Variants in XPR1 observed in about 807,000 individuals in gnomAD.
XPR1 encodes xenotropic and polytropic retrovirus receptor 1.
A neutral mutation model predicts 87.5 loss-of-function variants in XPR1; 28 were observed. The observed-to-expected ratio is 0.32, with a 90% CI of 0.24 to 0.44. The LOEUF (loss-of-function observed/expected upper bound fraction) is 0.44, where lower values mean the gene tolerates loss of function less well. XPR1 is among the 20% of genes least tolerant of loss of function. The pLI, the probability that XPR1 is intolerant of heterozygous loss-of-function variation, is 1.00. For missense variants in XPR1, 559 were observed against 862.3 expected (o/e 0.65, Z 4.41); for synonymous variants, 300 against 306.1 (o/e 0.98, Z 0.21).
At chr1:180,755,804 G>A (rs1647716100) in intron 2 of XPR1, among the ~76,000 whole-genome samples, 1 of 152,040 alleles carries the variant, frequency 6.6e-6, no homozygotes, top group Non-Finnish European at 1.5e-5. Context: ...AAGCCCTGTG[G>A]TTTTATTGAA....
intron 11 of XPR1, among the ~76,000 whole-genome samples, chr1:180,850,502 C>T (rs1219182179): frequency 6.6e-5 from 10 of 152,082 alleles, no homozygotes; most frequent in Non-Finnish European, 1.2e-4. Context: ...TGTATTATAG[C>T]TGCTTAAAGA....
chr1:180,682,663 G>T (rs1656617670), intron 2 of XPR1, among the ~76,000 whole-genome samples: 2 of 151,766 alleles, frequency 1.3e-5, no homozygotes, highest in Admixed American at 1.3e-4. Context: ...CGTATATATT[G>T]GTTTAGTCAG....
At chr1:180,721,530 C>T (rs1658179863) in intron 2 of XPR1, among the ~76,000 whole-genome samples, 1 of 152,164 alleles carries the variant, frequency 6.6e-6, no homozygotes, top group African/African-American at 2.4e-5. Context: ...CATTTTACTC[C>T]TGGCTATGTG....
intron 2 of XPR1, among the ~76,000 whole-genome samples, chr1:180,771,250 A>G (rs1264730339): frequency 6.6e-6 from 1 of 152,130 alleles, no homozygotes; most frequent in African/African-American, 2.4e-5. Context: ...TGGTATTACA[A>G]TTAAGTCATT....
intron 11 of XPR1, among the ~76,000 whole-genome samples, chr1:180,859,733 G>GT (rs1652157492): frequency 6.6e-6 from 1 of 152,106 alleles, no homozygotes; most frequent in Non-Finnish European, 1.5e-5. Context: ...TTAAAAGGCA[G>GT]TAAGTCCTCA....
intron 2 of XPR1, among the ~76,000 whole-genome samples, chr1:180,764,521 T>A (rs764225856): frequency 5.1e-4 from 77 of 152,082 alleles, no homozygotes; most frequent in Admixed American, 1.4e-3. Flanking sequence ...CCAGGCTGGA[T>A]TGCAGTAGTG....
intron 2 of XPR1, among the ~76,000 whole-genome samples, chr1:180,712,505 A>G (rs1285722813): frequency 1.3e-5 from 2 of 152,198 alleles, no homozygotes; most frequent in South Asian, 2.1e-4. Context: ...TAAGGGGGCT[A>G]TTTTATTTGT....
At chr1:180,822,418 C>T (rs144143669) in intron 7 of XPR1, among the ~76,000 whole-genome samples, 58 of 152,272 alleles carry the variant, frequency 3.8e-4, no homozygotes, top group African/African-American at 1.3e-3. Context: ...CTTCCCTGAC[C>T]GCCCTACCTA....
At chr1:180,800,195 C>T (rs1326095090) in intron 3 of XPR1, among the ~76,000 whole-genome samples, 1 of 152,188 alleles carries the variant, frequency 6.6e-6, no homozygotes, top group African/African-American at 2.4e-5. Context: ...TGTGGACCAG[C>T]TGGGTCTTTT....
intron 2 of XPR1, among the ~76,000 whole-genome samples, chr1:180,737,625 C>A (rs886665424): frequency 1.3e-5 from 2 of 152,186 alleles, no homozygotes; most frequent in African/African-American, 4.8e-5. Flanking sequence ...TCCTCCTATG[C>A]ATAACCCGCG....
intron 1 of XPR1, among the ~76,000 whole-genome samples, chr1:180,670,701 T>C (rs1284975307): frequency 2.0e-5 from 3 of 152,230 alleles, no homozygotes; most frequent in South Asian, 4.1e-4. Context: ...TATTGAGAAC[T>C]TTTATTTCTT....
At chr1:180,710,831 G>GC (rs1206395101) in intron 2 of XPR1, among the ~76,000 whole-genome samples, 6 of 149,156 alleles carry the variant, frequency 4.0e-5, no homozygotes, top group African/African-American at 7.4e-5. Flanking sequence ...GGCGGGGGCT[G>GC]CCCCCCACCT....
At chr1:180,695,588 C>A (rs1397929542) in intron 2 of XPR1, among the ~76,000 whole-genome samples, 1 of 152,048 alleles carries the variant, frequency 6.6e-6, no homozygotes, top group African/African-American at 2.4e-5. Flanking sequence ...GTCTTCTGTC[C>A]ATTTTGAGTT....
At chr1:180,688,303 G>T (rs558327129) in intron 2 of XPR1, among the ~76,000 whole-genome samples, 2 of 151,260 alleles carry the variant, frequency 1.3e-5, no homozygotes, top group Non-Finnish European at 3.0e-5. Flanking sequence ...TGGCCAGGCT[G>T]GTCTCGAACT....
At chr1:180,686,420 T>G (rs1240853368) in intron 2 of XPR1, among the ~76,000 whole-genome samples, 1 of 152,142 alleles carries the variant, frequency 6.6e-6, no homozygotes, top group Non-Finnish European at 1.5e-5. Context: ...TGTGGTCAGT[T>G]TTGGAGTAGG....
rs570304588 is a variant in XPR1 at position 180,743,176 on chromosome 1, AT to A, written c.122-44570del. ...GATCTACCATTTTGTTATTATTATT[AT>A]TTTTTTGCTTTTCCATATGTTTTCT... On this transcript the variant is annotated intron_variant, in intron 2 of 14. Coordinates refer to ENST00000367590, the MANE Select transcript of XPR1 (RefSeq NM_004736.4). Among the ~76,000 whole-genome samples, 3 of 136,812 alleles carry A rather than the reference AT, an allele frequency of 2.2e-5. No homozygotes were observed. In the South Asian group the frequency reaches 6.9e-4, roughly 31 times the overall value. 89.8% of individuals were successfully genotyped at this position (136,812 alleles called of 152,430 possible).
chr1:180,875,995 A>G (rs1652651661), intron 13 of XPR1, among the ~76,000 whole-genome samples: 1 of 152,176 alleles, frequency 6.6e-6, no homozygotes. Context: ...TAAAGAAGAA[A>G]TAGAAAATCT....
At chr1:180,675,948 C>T (rs762779544) in intron 1 of XPR1, among the ~76,000 whole-genome samples, 2 of 152,126 alleles carry the variant, frequency 1.3e-5, no homozygotes, top group Non-Finnish European at 2.9e-5. Context: ...AATATAGGGC[C>T]TCTTAATCAG....
chr1:180,813,262 C>T (rs1181930596), intron 7 of XPR1, among the ~76,000 whole-genome samples: 1 of 152,156 alleles, frequency 6.6e-6, no homozygotes, highest in Non-Finnish European at 1.5e-5. Flanking sequence ...GCATCAAGCT[C>T]ATTCTAATCT....
Sources: gnomAD v4.1 joint callset for allele counts (sites outside exome capture counted in the v4.1 genomes callset) on GRCh38, gnomAD v4.1.1 for gene constraint, MANE v1.5 for transcripts, NCBI Gene and HGNC (gene_info 2026-07-23, HGNC 2026-07-21) for gene names.